The following PCDH9 variants were observed in gnomAD, a reference collection of about 807,000 sequenced individuals.
PCDH9 encodes protocadherin-9.
PCDH9 carries 24 observed loss-of-function variants against 70.6 expected under a neutral mutation model. That is an observed-to-expected ratio of 0.34 (90% confidence interval 0.25 to 0.48). PCDH9 has a LOEUF of 0.48. Ranked by LOEUF, PCDH9 falls within the 20% of genes least tolerant of loss-of-function variation. The pLI is 0.99. For synonymous variants in PCDH9, 562 were observed against 558.5 expected, an observed-to-expected ratio of 1.01 and a Z score of -0.09; for missense variants, 1,281 against 1,503.6, an observed-to-expected ratio of 0.85 and a Z score of 2.45.
intron 4 of PCDH9, among the ~76,000 whole-genome samples, chr13:66,336,064 A>C (rs1956032212): frequency 6.6e-6 from 1 of 152,034 alleles, no homozygotes; most frequent in African/African-American, 2.4e-5. Flanking sequence ...ATGGGTACAT[A>C]ATGGAAAGAG....
intron 3 of PCDH9, among the ~76,000 whole-genome samples, chr13:66,764,355 C>T (rs9571654): frequency 0.29 from 44,227 of 151,312 alleles, 6,774 homozygotes; most frequent in East Asian, 0.43. Flanking sequence ...GCCCAGGCAA[C>T]GAAGAGCTTG....
chr13:66,387,543 TAAAA>T (rs35239094), intron 4 of PCDH9, among the ~76,000 whole-genome samples: 4 of 115,470 alleles, frequency 3.5e-5, no homozygotes, highest in Admixed American at 9.2e-5. Context: ...GATCTGGTGG[TAAAA>T]AAAAAAAAAA....
At chr13:66,616,484 CTTTT>C (rs60587237) in intron 4 of PCDH9, among the ~76,000 whole-genome samples, 3 of 116,696 alleles carry the variant, frequency 2.6e-5, no homozygotes, top group African/African-American at 6.3e-5. Flanking sequence ...TTCTAAAATT[CTTTT>C]TTTTTTTTTT....
intron 4 of PCDH9, among the ~76,000 whole-genome samples, chr13:66,621,665 T>A (rs2077423224): frequency 6.6e-6 from 1 of 152,204 alleles, no homozygotes; most frequent in Non-Finnish European, 1.5e-5. Context: ...TCCTAAGATC[T>A]AAATTTTTAT....
chr13:66,821,109 C>T (rs1014333166), intron 3 of PCDH9, among the ~76,000 whole-genome samples: 2 of 152,092 alleles, frequency 1.3e-5, no homozygotes, highest in Non-Finnish European at 2.9e-5. Context: ...TAGTTATTTA[C>T]ATTTTGTAAA....
chr13:67,156,704 G>A (rs2087822751), intron 2 of PCDH9, among the ~76,000 whole-genome samples: 1 of 152,206 alleles, frequency 6.6e-6, no homozygotes, highest in East Asian at 1.9e-4. Flanking sequence ...CTTGAGATGA[G>A]GTAGAGGGTC....
chr13:66,702,276 T>G (rs530469501), intron 3 of PCDH9, among the ~76,000 whole-genome samples: 1 of 152,258 alleles, frequency 6.6e-6, no homozygotes, highest in Non-Finnish European at 1.5e-5. Context: ...TCACTAAATA[T>G]ACTTAAAAGG....
At chr13:67,225,291 CTCTT>C in intron 2 of PCDH9, 110 bp downstream of exon 2, 4 of 1,303,352 alleles carry the variant, frequency 3.1e-6, no homozygotes, top group East Asian at 4.7e-5. Context: ...TTTTTTTTAC[CTCTT>C]TCTAACTAAG....
intron 2 of PCDH9, chr13:67,217,535 C>T (rs1292479629): frequency 1.3e-5 from 2 of 152,086 alleles, no homozygotes; most frequent in Non-Finnish European, 2.9e-5. Context: ...AGGGATTTTA[C>T]TGAACATTGT....
intron 3 of PCDH9, among the ~76,000 whole-genome samples, chr13:66,811,064 G>A (rs977401364): frequency 6.6e-6 from 1 of 151,786 alleles, no homozygotes; most frequent in African/African-American, 2.4e-5. Flanking sequence ...TTTTAGCACA[G>A]GCATATTTGG....
chr13:66,850,870 T>C (rs2081303965), intron 3 of PCDH9, among the ~76,000 whole-genome samples: 1 of 152,214 alleles, frequency 6.6e-6, no homozygotes. Context: ...ATATCTTACA[T>C]GGAGTCTCCT....
chr13:66,717,827 A>G (rs554327399), intron 3 of PCDH9, among the ~76,000 whole-genome samples: 1 of 152,252 alleles, frequency 6.6e-6, no homozygotes, highest in Admixed American at 6.5e-5. Context: ...TCATATGTAC[A>G]TATTGGTATG....
intron 3 of PCDH9, among the ~76,000 whole-genome samples, chr13:66,795,213 T>A (rs1432793459): frequency 6.6e-6 from 1 of 152,182 alleles, no homozygotes; most frequent in African/African-American, 2.4e-5. Context: ...ATTTGCATTA[T>A]ATACTGACTG....
intron 3 of PCDH9, among the ~76,000 whole-genome samples, chr13:66,847,647 T>C (rs1406814553): frequency 6.6e-6 from 1 of 152,186 alleles, no homozygotes; most frequent in Non-Finnish European, 1.5e-5. Flanking sequence ...TGACGTCTTT[T>C]CGACATATCT....
chr13:66,313,284 T>G (rs1433237161), intron 4 of PCDH9, among the ~76,000 whole-genome samples: 3 of 152,218 alleles, frequency 2.0e-5, no homozygotes, highest in Non-Finnish European at 4.4e-5. Context: ...TCTTCTATAG[T>G]TCATCATTTC....
chr13:66,404,122 T>A (rs1332479072), intron 4 of PCDH9, among the ~76,000 whole-genome samples: 2 of 152,204 alleles, frequency 1.3e-5, no homozygotes, highest in African/African-American at 4.8e-5. Context: ...AAGTAGAATA[T>A]CTGATAAAAT....
At chr13:66,957,303 C>CTTTTT (rs2083279168) in intron 2 of PCDH9, among the ~76,000 whole-genome samples, 1 of 152,034 alleles carries the variant, frequency 6.6e-6, no homozygotes, top group Non-Finnish European at 1.5e-5. Flanking sequence ...TTTTTTTACA[C>CTTTTT]TTACTTTTGT....
At chr13:66,368,219 T>C (rs1383505071) in intron 4 of PCDH9, among the ~76,000 whole-genome samples, 1 of 152,070 alleles carries the variant, frequency 6.6e-6, no homozygotes, top group Non-Finnish European at 1.5e-5. Flanking sequence ...TTAACATTAC[T>C]AAATGAGTTA....
At chr13:67,043,036 A>G (rs1351103659) in intron 2 of PCDH9, among the ~76,000 whole-genome samples, 2 of 152,218 alleles carry the variant, frequency 1.3e-5, no homozygotes, top group African/African-American at 4.8e-5. Flanking sequence ...AAGAATTTTT[A>G]CAAGTTTAGT....
Sources: allele counts gnomAD v4.1 joint callset (sites outside exome capture counted in the v4.1 genomes callset), GRCh38; gene constraint gnomAD v4.1.1; transcripts MANE v1.5; gene names NCBI Gene and HGNC (gene_info 2026-07-23, HGNC 2026-07-21).